Variants in F2RL2 observed in about 807,000 individuals in gnomAD.
The protein encoded by F2RL2 is coagulation factor II thrombin receptor like 2, also known as proteinase-activated receptor 3.
F2RL2 carries 4 observed loss-of-function variants against 4.3 expected under a neutral mutation model. The ratio of observed to expected loss-of-function variants is 0.93; its 90% CI spans 0.46 to 2.12. The LOEUF is 2.12. Ranked by LOEUF, F2RL2 falls within the 30% of genes most tolerant of loss-of-function variation. The pLI, the probability that F2RL2 is intolerant of heterozygous loss-of-function variation, is 0.02. For missense variants in F2RL2, 408 were observed against 449.3 expected (o/e 0.91, Z 0.83); for synonymous variants, 166 against 170.9 (o/e 0.97, Z 0.22).
In F2RL2 at chr5:76,615,831, A is replaced by T. The variant is rs1435406631; in HGVS notation, c.*1751T>A. On this transcript the variant is annotated 3_prime_UTR_variant, in exon 2 of 2. Transcript: ENST00000296641. ...AAAAAAAATAGTGGAGGCATTATTT[A>T]AAACTTCTAAATGGCCTGGTGAGTA... is the stretch of plus-strand genomic sequence containing the variant. 1 of 152,604 alleles carries T rather than the reference A, an allele frequency of 6.6e-6. No homozygotes were observed. The highest frequency in any genetic ancestry group is 1.5e-5 in the Non-Finnish European group (1 of 68,024). 9.5% of individuals were successfully genotyped at this position (152,604 alleles called of 1,614,324 possible).
At position 76,617,518 on chromosome 5, in the gene F2RL2, T is replaced by C. The variant is rs958682642; in HGVS notation, c.*64A>G. 3.0e-5 allele frequency: 39 copies of C among 1,291,826 alleles called. No individual in the cohort carries two copies. Among genetic ancestry groups the C allele is most frequent in the Non-Finnish European group, 3.9e-5 (36 of 923,398 alleles). 80.0% of individuals were successfully genotyped at this position (1,291,826 alleles called of 1,614,324 possible). ...GGAAATGGAGCTCCTTGCACTATGC[T>C]TATGTTGTTCTTGAAAACAGACGTT... On this transcript the variant is annotated 3_prime_UTR_variant, in exon 2 of 2. Transcript: ENST00000296641.
In F2RL2 at chr5:76,618,021, A is replaced by G. The variant is rs1483874961; in HGVS notation, c.686T>C (p.Phe229Ser). ...AAGATAATATTCCTGCTTCAGTATGAAAAATGGCAGCATATATAAGAAAAC... is the reference window on the plus strand; with the variant it reads ...AAGATAATATTCCTGCTTCAGTATGGAAAATGGCAGCATATATAAGAAAAC... The part of the protein sequence containing the change: ...ATVFLYMLPF[F>S]ILKQEYYLVQ... The change falls in exon 2 of 2, where the codon TTC becomes TCC. Residue 229 changes from phenylalanine to serine, a missense_variant. By Grantham distance (155) the Phe-to-Ser change is radical. Transcript: ENST00000296641. The G allele has an allele frequency of 1.2e-6, 2 of 1,614,084 alleles. No individual in the cohort carries two copies. Among genetic ancestry groups the G allele is most frequent in the East Asian group, 4.5e-5 (2 of 44,894 alleles).
Position 76,617,657 on chromosome 5 carries a change from A to G in F2RL2, c.1050T>C (p.Asn350=), listed in dbSNP as rs1440093379. ...YLIALCLGSL[N]SCLDPFLYFL... ...AATAAAGGAATGGATCTAAGCAACTATTAAGACTACCCAGGCACAAAGCTA... is the reference window on the plus strand; with the variant it reads ...AATAAAGGAATGGATCTAAGCAACTGTTAAGACTACCCAGGCACAAAGCTA... The change falls in exon 2 of 2, where the codon AAT becomes AAC. Residue 350 remains asparagine (N), a synonymous_variant. Transcript: ENST00000296641. 4 of 1,614,022 alleles carry G rather than the reference A, an allele frequency of 2.5e-6. No homozygotes were observed. Among genetic ancestry groups the G allele is most frequent in the Non-Finnish European group, 3.4e-6 (4 of 1,180,034 alleles).
chr5:76,623,086 C>A, intron 1 of F2RL2, 81 bp downstream of exon 1: 1 of 1,331,916 alleles, frequency 7.5e-7, no homozygotes, highest in Non-Finnish European at 1.1e-6. Flanking sequence ...GTGTGAGATG[C>A]AAAGAAACCT....
chr5:76,621,373 C>T (rs1352045987), intron 1 of F2RL2, among the ~76,000 whole-genome samples: 1 of 152,164 alleles, frequency 6.6e-6, no homozygotes, highest in Admixed American at 6.5e-5. Context: ...TGGGAGGCAG[C>T]ATTCTTCTAT....
At position 76,617,442 on chromosome 5, in the gene F2RL2, T is replaced by A. The variant is rs1749088656; in HGVS notation, c.*140A>T. ...CAGTCTCAAAAACAAACAAACAAAC[T>A]ACTAATGCTTTTGTAATGTTTGACC... On this transcript the variant is annotated 3_prime_UTR_variant, in exon 2 of 2. Coordinates refer to ENST00000296641, the MANE Select transcript of F2RL2 (RefSeq NM_004101.4). 2 of 657,222 alleles carry A rather than the reference T, an allele frequency of 3.0e-6. No individual in the cohort carries two copies. Among genetic ancestry groups the A allele is most frequent in the Non-Finnish European group, 5.1e-6 (2 of 390,442 alleles). 40.7% of individuals were successfully genotyped at this position (657,222 alleles called of 1,614,324 possible). A position where few individuals can be genotyped will look rare whatever the true frequency, so the allele number is the denominator to read the frequency against.
intron 1 of F2RL2, among the ~76,000 whole-genome samples, chr5:76,622,552 AG>A (rs2150365981): frequency 6.6e-6 from 1 of 152,348 alleles, no homozygotes; most frequent in South Asian, 2.1e-4. Context: ...AAAAAGCAGG[AG>A]GTTTCAGGCT....
At position 76,623,311 on chromosome 5, in the gene F2RL2, T is replaced by C; in HGVS notation, c.-81A>G. The C allele has an allele frequency of 6.6e-7, 1 of 1,520,684 alleles. No homozygotes were observed. 94.2% of individuals were successfully genotyped at this position (1,520,684 alleles called of 1,614,324 possible). ...CACAATTTCACCTCAGTTCCATGTG[T>C]CAGCAGCAAATGGAAGCCTTGGTCT... On this transcript the variant is annotated 5_prime_UTR_variant, in exon 1 of 2. Coordinates refer to ENST00000296641, the MANE Select transcript of F2RL2 (RefSeq NM_004101.4).
At position 76,623,152 on chromosome 5, in the gene F2RL2, G is replaced by A; in HGVS notation, c.64+15C>T. 1 of 1,613,776 alleles carries A rather than the reference G, an allele frequency of 6.2e-7. No homozygotes were observed. The highest frequency in any genetic ancestry group is 8.5e-7 in the Non-Finnish European group (1 of 1,179,686). ...AACCCACATCCCCATCCTACCCCCT[G>A]AGAAAATTGCTTACCACTCTGACAA... On this transcript the variant is annotated intron_variant, in intron 1 of 1. Transcript: ENST00000296641.
rs1749171767 is a variant in F2RL2, at chr5:76,618,038, T to C, written c.669A>G (p.Leu223=). The stretch of plus-strand genomic sequence containing the variant: ...TCAGTATGAAAAATGGCAGCATATA[T>C]AAGAAAACTGTTGCCCACACCAGTC... ...TCGLVWATVF[L]YMLPFFILKQ... The change falls in exon 2 of 2, where the codon TTA becomes TTG. Residue 223 remains leucine (L), a synonymous_variant. Transcript: ENST00000296641. The C allele has an allele frequency of 6.2e-7, 1 of 1,614,098 alleles. No homozygotes were observed. Among genetic ancestry groups the C allele is most frequent in the Non-Finnish European group, 8.5e-7 (1 of 1,180,014 alleles).
At chr5:76,619,743 C>T (rs1005108269) in intron 1 of F2RL2, among the ~76,000 whole-genome samples, 1 of 152,082 alleles carries the variant, frequency 6.6e-6, no homozygotes, top group Admixed American at 6.6e-5. Context: ...TGGTCTCGAT[C>T]TCCTGACCTC....
In F2RL2 at chr5:76,618,434, G is replaced by A. The variant is rs199782522; in HGVS notation, c.273C>T (p.Ser91=). ...TGGCAGGTATCAGTTTAGTACTTAA[G>A]GAGCTGGTCAGGTACCCCATGGTAG... ...KNATMGYLTS[S]LSTKLIPAIY... Residue 91 remains serine (S), a synonymous_variant, in exon 2 of 2, where the codon TCC becomes TCT. Coordinates refer to ENST00000296641, the MANE Select transcript of F2RL2 (RefSeq NM_004101.4). The A allele has an allele frequency of 1.6e-5, 26 of 1,614,182 alleles. No homozygotes were observed. The East Asian group carries it at 5.6e-4, about 35-fold the overall frequency.
At chr5:76,620,377 C>G (rs1749525124) in intron 1 of F2RL2, among the ~76,000 whole-genome samples, 1 of 152,000 alleles carries the variant, frequency 6.6e-6, no homozygotes, top group South Asian at 2.1e-4. Flanking sequence ...TTCTGATTGG[C>G]TTTGGGGTGC....
intron 1 of F2RL2, 133 bp downstream of exon 1, chr5:76,623,033 CT>C: frequency 1.3e-6 from 1 of 788,972 alleles, no homozygotes. Context: ...ATGATTCTAC[CT>C]TTTAATAATA....
chr5:76,617,721 T>A lies in F2RL2; in HGVS notation c.986A>T (p.Tyr329Phe). ...IILIIHHANY[Y>F]YNNTDGLYFI... is the part of the protein sequence containing the mutation. Reference sequence around the variant, plus strand: ...ATATAAGCCATCAGTGTTGTTGTAGTAGTAGTTAGCATGGTGAATAATAAG... The same window carrying A: ...ATATAAGCCATCAGTGTTGTTGTAGAAGTAGTTAGCATGGTGAATAATAAG... Residue 329 changes from tyrosine (Y) to phenylalanine (F), a missense_variant, in exon 2 of 2, where the codon TAC (tyrosine) becomes TTC (phenylalanine). Tyr to Phe is a conservative substitution (Grantham distance 22, BLOSUM62 3). Coordinates refer to ENST00000296641, the MANE Select transcript of F2RL2 (RefSeq NM_004101.4). The A allele has an allele frequency of 6.2e-7, 1 of 1,614,042 alleles. No individual in the cohort carries two copies. The highest frequency in any genetic ancestry group is 8.5e-7 in the Non-Finnish European group (1 of 1,179,994).
Position 76,618,022 on chromosome 5 carries a change from A to G in F2RL2, c.685T>C (p.Phe229Leu), listed in dbSNP as rs1183610544. Residue 229 changes from phenylalanine to leucine, a missense_variant, in exon 2 of 2, where the codon TTC becomes CTC. Coordinates refer to ENST00000296641, the MANE Select transcript of F2RL2 (RefSeq NM_004101.4). Reference sequence around the variant, plus strand: ...AGATAATATTCCTGCTTCAGTATGAAAAATGGCAGCATATATAAGAAAACT... The same window carrying G: ...AGATAATATTCCTGCTTCAGTATGAGAAATGGCAGCATATATAAGAAAACT... ...ATVFLYMLPF[F>L]ILKQEYYLVQ... The G allele has an allele frequency of 5.0e-6, 8 of 1,614,092 alleles. No homozygotes were observed. Among genetic ancestry groups the G allele is most frequent in the Non-Finnish European group, 5.9e-6 (7 of 1,180,054 alleles).
At chr5:76,618,943 A>G (rs1470192486) in intron 1 of F2RL2, among the ~76,000 whole-genome samples, 1 of 152,236 alleles carries the variant, frequency 6.6e-6, no homozygotes, top group Non-Finnish European at 1.5e-5. Context: ...ACTACAAACT[A>G]TACAGGCATT....
intron 1 of F2RL2, among the ~76,000 whole-genome samples, chr5:76,620,923 A>G (rs891117365): frequency 1.3e-5 from 2 of 152,188 alleles, no homozygotes; most frequent in African/African-American, 2.4e-5. Context: ...CAAAAACAAA[A>G]TCTTAAAGCT....
intron 1 of F2RL2, among the ~76,000 whole-genome samples, chr5:76,620,493 C>T (rs2069665): frequency 0.015 from 2,251 of 152,100 alleles, 53 homozygotes; most frequent in African/African-American, 0.052. Context: ...GAGACAGGAT[C>T]GGGGAGAAGC....
Sources: gnomAD v4.1 joint callset for allele counts (sites outside exome capture counted in the v4.1 genomes callset) on GRCh38, gnomAD v4.1.1 for gene constraint, MANE v1.5 for transcripts, NCBI Gene and HGNC (gene_info 2026-07-23, HGNC 2026-07-21) for gene names.